HAUS6: variants seen among roughly 807,000 people sequenced by gnomAD.
HAUS6 encodes the protein HAUS augmin like complex subunit 6, also known as HAUS augmin-like complex subunit 6.
Under a neutral mutation model 106.8 loss-of-function variants are expected in HAUS6, and 80 were observed. The ratio of observed to expected loss-of-function variants is 0.75; its 90% CI spans 0.63 to 0.90. The LOEUF (loss-of-function observed/expected upper bound fraction) is 0.90. HAUS6 is among the 40% of genes least tolerant of loss of function. The pLI, the probability that HAUS6 is intolerant of heterozygous loss-of-function variation, is 0.00. For missense variants in HAUS6, 1,155 were observed against 1,118.1 expected (o/e 1.03, Z -0.47); for synonymous variants, 356 against 379.1 (o/e 0.94, Z 0.71).
intron 11 of HAUS6, among the ~76,000 whole-genome samples, chr9:19,072,508 C>CA (rs200403186): frequency 0.01 from 1,289 of 127,004 alleles, 14 homozygotes; most frequent in Non-Finnish European, 0.013. Flanking sequence ...GACTCTGTCT[C>CA]AAAAAAAAAA....
At chr9:19,074,364 C>A (rs560782192) in intron 11 of HAUS6, among the ~76,000 whole-genome samples, 8 of 151,988 alleles carry the variant, frequency 5.3e-5, no homozygotes, top group African/African-American at 7.2e-5. Context: ...CTTGAACTCC[C>A]GGGCTCAAAT....
chr9:19,079,433 A>G (rs1178989770), intron 9 of HAUS6, among the ~76,000 whole-genome samples: 1 of 151,296 alleles, frequency 6.6e-6, no homozygotes, highest in Non-Finnish European at 1.5e-5. Flanking sequence ...GTTTCCCCAT[A>G]TTGGCCAGAA....
chr9:19,060,983 G>A (rs1169529042), intron 14 of HAUS6, among the ~76,000 whole-genome samples: 4 of 152,078 alleles, frequency 2.6e-5, no homozygotes, highest in African/African-American at 9.7e-5. Flanking sequence ...CCAACAACAT[G>A]GAGAAACCCC....
chr9:19,071,120 A>C (rs554252938), intron 11 of HAUS6, among the ~76,000 whole-genome samples: 24 of 152,214 alleles, frequency 1.6e-4, no homozygotes, highest in Non-Finnish European at 2.4e-4. Context: ...AGCCATAATG[A>C]AAGATGACAC....
chr9:19,096,971 C>A (rs557197456), intron 1 of HAUS6, among the ~76,000 whole-genome samples: 1 of 152,208 alleles, frequency 6.6e-6, no homozygotes. Context: ...TCTGAAAACA[C>A]AGATTCAATA....
At position 19,063,080 on chromosome 9, in the gene HAUS6, A is replaced by T; in HGVS notation, c.1557T>A (p.Ser519Arg). ...TAGCTGGCAAAGACCCTCCAAATGC[A>T]CTACTCTCTGTATTCTTTGCAACAT... ...LSDVAKNTES[S>R]AFGGSLPAKK... is the part of the protein sequence containing the mutation. Residue 519 changes from serine to arginine, a missense_variant, in exon 14 of 17, where the codon AGT (serine) becomes AGA (arginine). Coordinates refer to ENST00000380502, the MANE Select transcript of HAUS6 (RefSeq NM_017645.5). The T allele has an allele frequency of 6.2e-7, 1 of 1,610,576 alleles. No homozygotes were observed. The highest frequency in any genetic ancestry group is 2.2e-5 in the East Asian group (1 of 44,858).
intron 11 of HAUS6, among the ~76,000 whole-genome samples, chr9:19,073,382 ATGT>A (rs983796492): frequency 6.6e-6 from 1 of 151,838 alleles, no homozygotes; most frequent in African/African-American, 2.4e-5. Flanking sequence ...AAAAAATATA[ATGT>A]TGAAGTAGCC....
intron 4 of HAUS6, among the ~76,000 whole-genome samples, chr9:19,092,690 C>T (rs368685127): frequency 1.3e-5 from 2 of 148,934 alleles, no homozygotes; most frequent in Non-Finnish European, 3.0e-5. Context: ...TTGGGAGGCC[C>T]AGGTGGGCAG....
chr9:19,100,836 C>A (rs1032316022), intron 1 of HAUS6, among the ~76,000 whole-genome samples: 2 of 152,158 alleles, frequency 1.3e-5, no homozygotes, highest in African/African-American at 4.8e-5. Flanking sequence ...ATAAACCAGG[C>A]ACGGAAAGAC....
At chr9:19,077,135 C>G (rs1227602574) in intron 10 of HAUS6, among the ~76,000 whole-genome samples, 1 of 152,162 alleles carries the variant, frequency 6.6e-6, no homozygotes, top group African/African-American at 2.4e-5. Context: ...TGAGCCACCA[C>G]GCCCAGCCCT....
At position 19,102,847 on chromosome 9, in the gene HAUS6, T is replaced by C. The variant is rs905623412; in HGVS notation, c.-196A>G. The C allele has an allele frequency of 1.2e-5, 6 of 518,882 alleles. No individual in the cohort carries two copies. The South Asian group carries it at 1.6e-4, about 13-fold the overall frequency. 32.1% of individuals were successfully genotyped at this position (518,882 alleles called of 1,614,324 possible). Reference sequence around the variant, plus strand: ...CCGGGAAATTGAGTTTCTAACGGTATAGTGCGGCCACCACTGCCTCAGCGA... The same window carrying C: ...CCGGGAAATTGAGTTTCTAACGGTACAGTGCGGCCACCACTGCCTCAGCGA... On this transcript the variant is annotated 5_prime_UTR_variant, in exon 1 of 17. Coordinates refer to ENST00000380502, the MANE Select transcript of HAUS6 (RefSeq NM_017645.5).
chr9:19,071,159 A>C (rs925273090), intron 11 of HAUS6, among the ~76,000 whole-genome samples: 44 of 152,246 alleles, frequency 2.9e-4, no homozygotes, highest in African/African-American at 9.4e-4. Flanking sequence ...ACAGAAAAGA[A>C]GTAAGGATTA....
chr9:19,072,414 T>C (rs917059399), intron 11 of HAUS6, among the ~76,000 whole-genome samples: 1 of 150,372 alleles, frequency 6.7e-6, no homozygotes, highest in East Asian at 2.0e-4. Flanking sequence ...ATGGGAAGCT[T>C]AGGCAGAAGA....
intron 12 of HAUS6, among the ~76,000 whole-genome samples, chr9:19,065,581 C>T (rs999813823): frequency 3.9e-5 from 6 of 152,224 alleles, no homozygotes; most frequent in Non-Finnish European, 8.8e-5. Flanking sequence ...TGGCTCACGC[C>T]TGTAATCCCA....
At chr9:19,063,484 G>A (rs745806273) in intron 13 of HAUS6, 30 bp downstream of exon 13, 1 of 1,121,040 alleles carries the variant, frequency 8.9e-7, no homozygotes, top group South Asian at 1.3e-5. Context: ...GTATGGTCCA[G>A]AATTAATTGA....
At chr9:19,092,916 C>CAAAAAAAAAA (rs71494998) in intron 4 of HAUS6, among the ~76,000 whole-genome samples, 19 of 76,188 alleles carry the variant, frequency 2.5e-4, no homozygotes, top group Non-Finnish European at 3.5e-4. Flanking sequence ...AACTGTGTCT[C>CAAAAAAAAAA]AAAAAAAAAA....
In HAUS6 at chr9:19,082,959, C is replaced by T. The variant is rs1370015250; in HGVS notation, c.784G>A (p.Val262Ile). ...GTTCCATCTAAAGCATATTGGTTAA[C>T]AAGACTAAGGACCGAACTAACAACT... ...REVVSSVLSL[V>I]NQYALDGTNV... is the part of the protein sequence containing the mutation. Residue 262 changes from valine to isoleucine, a missense_variant, in exon 8 of 17, where the codon GTT (valine) becomes ATT (isoleucine). Physicochemically the swap from Val to Ile is conservative, Grantham distance 29. Coordinates refer to ENST00000380502, the MANE Select transcript of HAUS6 (RefSeq NM_017645.5). The T allele has an allele frequency of 6.4e-7, 1 of 1,565,300 alleles. No homozygotes were observed. Among genetic ancestry groups the T allele is most frequent in the African/African-American group, 1.4e-5 (1 of 73,278 alleles).
chr9:19,087,076 C>A lies in HAUS6; in HGVS notation c.650+15G>T. On this transcript the variant is annotated intron_variant, in intron 6 of 16. Transcript: ENST00000380502. Reference sequence around the variant, plus strand: ...CTAGTATCTAAGGCAACTTCTAGCTCTAAAAGTCACTTACTTCTTTATTTG... The same window carrying A: ...CTAGTATCTAAGGCAACTTCTAGCTATAAAAGTCACTTACTTCTTTATTTG... The A allele has an allele frequency of 7.6e-7, 1 of 1,320,728 alleles. No individual in the cohort carries two copies. The highest frequency in any genetic ancestry group is 1.2e-5 in the South Asian group (1 of 84,982). 81.8% of individuals were successfully genotyped at this position (1,320,728 alleles called of 1,614,324 possible). A position where few individuals can be genotyped will look rare whatever the true frequency, so the allele number is the denominator to read the frequency against.
intron 14 of HAUS6, among the ~76,000 whole-genome samples, chr9:19,061,106 G>A (rs1040241824): frequency 6.6e-6 from 1 of 152,252 alleles, no homozygotes; most frequent in Non-Finnish European, 1.5e-5. Flanking sequence ...GGAGGCTGCG[G>A]TGAGCCAAGA....
Sources: allele counts gnomAD v4.1 joint callset (sites outside exome capture counted in the v4.1 genomes callset), GRCh38; gene constraint gnomAD v4.1.1; transcripts MANE v1.5; gene names NCBI Gene and HGNC (gene_info 2026-07-23, HGNC 2026-07-21).